The following VWC2 variants were observed in gnomAD, a reference collection of about 807,000 sequenced individuals.
The protein encoded by VWC2 is brorin.
VWC2 carries 14 observed loss-of-function variants against 29.8 expected under a neutral mutation model. That is an observed-to-expected ratio of 0.47 (90% CI 0.31 to 0.74). VWC2 has a LOEUF of 0.74. Among genes scored for constraint, VWC2 ranks in the 30% least tolerant of loss-of-function variants. The pLI is 0.05. For missense variants in VWC2, 457 were observed against 459.8 expected (o/e 0.99, Z 0.05); for synonymous variants, 213 against 199.0 (o/e 1.07, Z -0.59).
chr7:49,853,421 C>T (rs148481355), intron 3 of VWC2, among the ~76,000 whole-genome samples: 4 of 152,312 alleles, frequency 2.6e-5, no homozygotes, highest in African/African-American at 9.6e-5. Flanking sequence ...CTGTTCTGTG[C>T]CAGGAGCTCT....
intron 3 of VWC2, among the ~76,000 whole-genome samples, chr7:49,845,232 G>A (rs193128577): frequency 5.9e-5 from 9 of 151,514 alleles, no homozygotes; most frequent in Non-Finnish European, 1.0e-4. Context: ...CATGGCACAC[G>A]TTTACCTATG....
intron 3 of VWC2, among the ~76,000 whole-genome samples, chr7:49,804,952 C>G (rs1788840190): frequency 6.6e-6 from 1 of 152,120 alleles, no homozygotes; most frequent in South Asian, 2.1e-4. Context: ...TTCTTTTGCC[C>G]TTAGGATTTA....
At chr7:49,885,517 AT>A (rs1791864284) in intron 3 of VWC2, among the ~76,000 whole-genome samples, 1 of 152,224 alleles carries the variant, frequency 6.6e-6, no homozygotes. Context: ...TCGTTATATA[AT>A]TAGGATTTTT....
At chr7:49,902,874 ATAAAGGAACAGTACGTGGAACATAT>A (rs1792846590) in intron 3 of VWC2, among the ~76,000 whole-genome samples, 1 of 152,172 alleles carries the variant, frequency 6.6e-6, no homozygotes, top group Non-Finnish European at 1.5e-5. Context: ...CACATGTCTG[ATAAAGGAACAGTACGTGGAACATAT>A]AAATAACACA....
chr7:49,839,898 GT>G lies in VWC2; in HGVS notation c.826+37063del, dbSNP rs1789754670. On this transcript the variant is annotated intron_variant, in intron 3 of 3. Transcript: ENST00000340652. ...AGAAGATCTGGTGGTTCCAAGCTAA[GT>G]TTTTGTTGTAGCTGTTTTCCCAAAT... Among the ~76,000 whole-genome samples, 5 of 152,238 alleles carry G rather than the reference GT, an allele frequency of 3.3e-5. No homozygotes were observed. The South Asian group carries it at 1.0e-3, about 31-fold the overall frequency.
At chr7:49,800,357 C>T (rs1289921972) in intron 2 of VWC2, among the ~76,000 whole-genome samples, 9 of 152,168 alleles carry the variant, frequency 5.9e-5, no homozygotes, top group Admixed American at 1.3e-4. Context: ...GGGCCCTCCC[C>T]GGCGATATGA....
chr7:49,820,752 C>G (rs973886047), intron 3 of VWC2, among the ~76,000 whole-genome samples: 4 of 152,206 alleles, frequency 2.6e-5, no homozygotes, highest in African/African-American at 9.7e-5. Flanking sequence ...CCTTGCAATG[C>G]CTTGCGATCC....
At chr7:49,806,855 AT>A (rs1788890101) in intron 3 of VWC2, among the ~76,000 whole-genome samples, 1 of 152,086 alleles carries the variant, frequency 6.6e-6, no homozygotes, top group African/African-American at 2.4e-5. Context: ...AATAATACAA[AT>A]TTTATGAAAA....
At chr7:49,787,951 A>G (rs1425128513) in intron 2 of VWC2, among the ~76,000 whole-genome samples, 1 of 152,180 alleles carries the variant, frequency 6.6e-6, no homozygotes, top group Non-Finnish European at 1.5e-5. Context: ...ATTGCGCCGT[A>G]TGTCTGGGTG....
At chr7:49,902,684 T>C (rs1008275266) in intron 3 of VWC2, among the ~76,000 whole-genome samples, 1 of 152,036 alleles carries the variant, frequency 6.6e-6, no homozygotes, top group Non-Finnish European at 1.5e-5. Context: ...AAAAAAACTT[T>C]AGGACGTAGG....
chr7:49,811,311 T>G (rs955126266), intron 3 of VWC2, among the ~76,000 whole-genome samples: 1 of 152,202 alleles, frequency 6.6e-6, no homozygotes, highest in African/African-American at 2.4e-5. Flanking sequence ...TTGTATTTCC[T>G]ATAATCTCCA....
intron 3 of VWC2, among the ~76,000 whole-genome samples, chr7:49,828,019 T>G (rs147800374): frequency 1.6e-3 from 250 of 152,298 alleles, no homozygotes; most frequent in Admixed American, 4.9e-3. Flanking sequence ...CACATTACCA[T>G]GTAATTCCCA....
chr7:49,839,421 C>T (rs1043432141), intron 3 of VWC2, among the ~76,000 whole-genome samples: 1 of 152,166 alleles, frequency 6.6e-6, no homozygotes. Flanking sequence ...AATTTGAGGA[C>T]AACCAAAGCT....
intron 3 of VWC2, among the ~76,000 whole-genome samples, chr7:49,826,560 A>C (rs1307434867): frequency 6.6e-6 from 1 of 152,196 alleles, no homozygotes; most frequent in African/African-American, 2.4e-5. Context: ...GTCCTAAAAA[A>C]TTTCAGTAGA....
intron 3 of VWC2, among the ~76,000 whole-genome samples, chr7:49,882,112 T>TTA (rs1791690731): frequency 1.3e-5 from 2 of 152,148 alleles, no homozygotes; most frequent in Non-Finnish European, 1.5e-5. Flanking sequence ...AAACATAGAT[T>TTA]TATATGTGCC....
chr7:49,895,571 A>G (rs1425642469), intron 3 of VWC2, among the ~76,000 whole-genome samples: 1 of 152,240 alleles, frequency 6.6e-6, no homozygotes, highest in African/African-American at 2.4e-5. Flanking sequence ...TATATCCTAT[A>G]GCAATTTCAA....
chr7:49,801,321 A>G (rs12672770), intron 2 of VWC2, among the ~76,000 whole-genome samples: 29,411 of 152,224 alleles, frequency 0.19, 3,969 homozygotes, highest in East Asian at 0.64. Flanking sequence ...GCAGGAACTC[A>G]GCTTGATACG....
intron 3 of VWC2, among the ~76,000 whole-genome samples, chr7:49,899,716 T>G (rs931050197): frequency 3.3e-5 from 5 of 151,894 alleles, no homozygotes; most frequent in Non-Finnish European, 5.9e-5. Flanking sequence ...TGAATCCACT[T>G]TTATACTTGC....
chr7:49,893,856 G>A (rs1321687628), intron 3 of VWC2, among the ~76,000 whole-genome samples: 1 of 152,126 alleles, frequency 6.6e-6, no homozygotes, highest in East Asian at 1.9e-4. Context: ...GTAAAGTTTG[G>A]AATACTTGGG....
Sources: gnomAD v4.1 joint callset for allele counts (sites outside exome capture counted in the v4.1 genomes callset) on GRCh38, gnomAD v4.1.1 for gene constraint, MANE v1.5 for transcripts, NCBI Gene and HGNC (gene_info 2026-07-23, HGNC 2026-07-21) for gene names.